The following TTC28 variants were observed in gnomAD, a reference collection of about 807,000 sequenced individuals.
TTC28 encodes tetratricopeptide repeat protein 28.
TTC28 carries 61 observed loss-of-function variants against 198.0 expected under a neutral mutation model. The observed-to-expected ratio is 0.31, with a 90% CI of 0.25 to 0.38. The LOEUF (loss-of-function observed/expected upper bound fraction) is 0.38. TTC28 is among the 10% of genes least tolerant of loss of function. TTC28 has a pLI of 1.00. For missense variants in TTC28, 2,678 were observed against 3,164.0 expected (o/e 0.85, Z 3.69); for synonymous variants, 1,171 against 1,297.8 (o/e 0.90, Z 2.10).
intron 1 of TTC28, among the ~76,000 whole-genome samples, chr22:28,656,846 G>T (rs1434725849): frequency 6.6e-5 from 10 of 151,924 alleles, no homozygotes; most frequent in Admixed American, 5.9e-4. Context: ...ACACCAACAT[G>T]GCACATGTAT....
At chr22:28,614,291 C>A (rs1569060821) in intron 2 of TTC28, among the ~76,000 whole-genome samples, 1 of 151,974 alleles carries the variant, frequency 6.6e-6, no homozygotes. Flanking sequence ...AAGGAAATAA[C>A]AGAAGACACA....
intron 6 of TTC28, among the ~76,000 whole-genome samples, chr22:28,124,452 G>T (rs935726760): frequency 2.6e-5 from 4 of 152,110 alleles, no homozygotes; most frequent in African/African-American, 9.7e-5. Flanking sequence ...AAACCTATGT[G>T]CCAGGCACTA....
intron 1 of TTC28, among the ~76,000 whole-genome samples, chr22:28,638,920 A>C (rs899665168): frequency 3.9e-5 from 6 of 152,188 alleles, no homozygotes; most frequent in African/African-American, 1.4e-4. Context: ...CCCACCTCTC[A>C]CTACCTAAGA....
intron 2 of TTC28, among the ~76,000 whole-genome samples, chr22:28,381,390 G>T (rs1405392299): frequency 6.6e-6 from 1 of 152,148 alleles, no homozygotes; most frequent in South Asian, 2.1e-4. Context: ...GATAAAATGT[G>T]TGACGCTCCT....
At chr22:28,370,386 C>G (rs1002588636) in intron 2 of TTC28, among the ~76,000 whole-genome samples, 2 of 152,222 alleles carry the variant, frequency 1.3e-5, no homozygotes, top group African/African-American at 4.8e-5. Flanking sequence ...GCTCAAACCT[C>G]TATAAATAGC....
At chr22:28,206,256 G>A (rs372874742) in intron 5 of TTC28, among the ~76,000 whole-genome samples, 4 of 152,258 alleles carry the variant, frequency 2.6e-5, no homozygotes, top group South Asian at 4.1e-4. Context: ...AGAAACTTAA[G>A]AAGGTTGTGG....
intron 1 of TTC28, among the ~76,000 whole-genome samples, chr22:28,635,173 T>C (rs557847799): frequency 1.5e-3 from 226 of 151,994 alleles, no homozygotes; most frequent in African/African-American, 5.1e-3. Flanking sequence ...TACAAAAAAT[T>C]AGCCAGGCAT....
At chr22:28,192,153 T>A (rs1385952960) in intron 5 of TTC28, among the ~76,000 whole-genome samples, 1 of 152,164 alleles carries the variant, frequency 6.6e-6, no homozygotes, top group East Asian at 1.9e-4. Flanking sequence ...TTCTGCAGCC[T>A]CCGCTGCTGA....
At chr22:28,519,026 T>G (rs1231435812) in intron 2 of TTC28, among the ~76,000 whole-genome samples, 2 of 152,214 alleles carry the variant, frequency 1.3e-5, no homozygotes, top group African/African-American at 4.8e-5. Flanking sequence ...AAGACAGTAT[T>G]CTTATTTTTT....
At chr22:28,452,155 C>A in intron 2 of TTC28, among the ~76,000 whole-genome samples, 1 of 151,924 alleles carries the variant, frequency 6.6e-6, no homozygotes, top group East Asian at 1.9e-4. Flanking sequence ...TTTGGGAGGC[C>A]AAGGTGGGCG....
intron 1 of TTC28, among the ~76,000 whole-genome samples, chr22:28,648,689 A>G (rs1207606032): frequency 6.6e-6 from 1 of 152,192 alleles, no homozygotes; most frequent in Non-Finnish European, 1.5e-5. Flanking sequence ...TGGGTGGATC[A>G]CCTGAGCTCC....
At chr22:28,595,651 C>T (rs2050526860) in intron 2 of TTC28, among the ~76,000 whole-genome samples, 2 of 152,112 alleles carry the variant, frequency 1.3e-5, no homozygotes, top group African/African-American at 4.8e-5. Context: ...TGTGACCAGG[C>T]GCAGTGACTC....
At chr22:28,674,651 C>A (rs1210115460) in intron 1 of TTC28, among the ~76,000 whole-genome samples, 2 of 151,650 alleles carry the variant, frequency 1.3e-5, no homozygotes, top group Non-Finnish European at 2.9e-5. Context: ...GAAACCATGT[C>A]TCTACTAAAA....
rs1302384693 is a variant in TTC28 at position 28,032,250 on chromosome 22, AATAT to A, written c.3933-1888_3933-1885del. ...ATATATATAAAATATATATATATAA[AATAT>A]ATATATATATATAGTGTGTGTGTGT... is the stretch of plus-strand genomic sequence containing the variant. On this transcript the variant is annotated intron_variant, in intron 12 of 22. Transcript: ENST00000397906. 1.1e-4 allele frequency among the ~76,000 whole-genome samples: 10 copies of A among 90,044 alleles called. No individual in the cohort carries two copies. In the South Asian group the frequency reaches 3.4e-3, roughly 30 times the overall value. The allele number at this position is 90,044 out of a possible 152,430, so 59.1% of individuals were successfully genotyped here.
intron 12 of TTC28, among the ~76,000 whole-genome samples, chr22:28,035,336 C>T (rs902683418): frequency 6.6e-5 from 10 of 152,194 alleles, no homozygotes; most frequent in Non-Finnish European, 1.0e-4. Flanking sequence ...CCGCTGGCCC[C>T]GTGCCCAGTG....
intron 2 of TTC28, among the ~76,000 whole-genome samples, chr22:28,441,834 T>C (rs1475208652): frequency 6.6e-6 from 1 of 151,632 alleles, no homozygotes; most frequent in Non-Finnish European, 1.5e-5. Flanking sequence ...TTGCTATGTT[T>C]TCCTTCAGAA....
chr22:28,625,889 TATATGGTC>T (rs1476702799), intron 2 of TTC28, among the ~76,000 whole-genome samples: 1 of 152,170 alleles, frequency 6.6e-6, no homozygotes, highest in African/African-American at 2.4e-5. Context: ...ACTCCATACT[TATATGGTC>T]AAATGGTTTG....
intron 5 of TTC28, among the ~76,000 whole-genome samples, chr22:28,222,838 A>G (rs1412818248): frequency 1.3e-5 from 2 of 152,228 alleles, no homozygotes; most frequent in Non-Finnish European, 2.9e-5. Flanking sequence ...AGCCCTTTTC[A>G]GCCTTTTAAT....
intron 14 of TTC28, chr22:28,007,280 G>C (rs470103): frequency 0.08 from 12,093 of 152,098 alleles, 515 homozygotes; most frequent in South Asian, 0.089. Context: ...ATCCTGTCAT[G>C]ATGGGTGGAT....
Sources: gnomAD v4.1 joint callset for allele counts (sites outside exome capture counted in the v4.1 genomes callset) on GRCh38, gnomAD v4.1.1 for gene constraint, MANE v1.5 for transcripts, NCBI Gene and HGNC (gene_info 2026-07-23, HGNC 2026-07-21) for gene names.